Variants in EEPD1 observed in about 807,000 individuals in gnomAD.
The protein encoded by EEPD1 is endonuclease/exonuclease/phosphatase family domain containing 1, also known as endonuclease/exonuclease/phosphatase family domain-containing protein 1.
In EEPD1, 17 loss-of-function variants were observed where a neutral mutation model predicts 46.3. The ratio of observed to expected loss-of-function variants is 0.37; its 90% CI spans 0.25 to 0.55. The LOEUF is 0.55. Among genes scored for constraint, EEPD1 ranks in the 20% least tolerant of loss-of-function variants. The pLI is 0.83. For synonymous variants in EEPD1, 313 were observed against 315.6 expected (o/e 0.99, Z 0.09); for missense variants, 673 against 745.6 (o/e 0.90, Z 1.13).
chr7:36,268,477 G>A (rs768577717), intron 3 of EEPD1, among the ~76,000 whole-genome samples: 42 of 152,198 alleles, frequency 2.8e-4, no homozygotes, highest in African/African-American at 7.9e-4. Flanking sequence ...AATTTTTGTC[G>A]AATGATCAGA....
At chr7:36,156,208 G>A (rs1784822848) in intron 2 of EEPD1, among the ~76,000 whole-genome samples, 1 of 152,154 alleles carries the variant, frequency 6.6e-6, no homozygotes, top group Non-Finnish European at 1.5e-5. Context: ...GTGACACGAA[G>A]TGAACTCTCA....
chr7:36,214,904 A>G (rs943637199), intron 2 of EEPD1, among the ~76,000 whole-genome samples: 2 of 152,182 alleles, frequency 1.3e-5, no homozygotes, highest in Non-Finnish European at 2.9e-5. Flanking sequence ...GGCCCCTGTC[A>G]TGCAGCCACT....
At chr7:36,258,942 GTT>G (rs1160379974) in intron 3 of EEPD1, among the ~76,000 whole-genome samples, 1 of 151,502 alleles carries the variant, frequency 6.6e-6, no homozygotes, top group African/African-American at 2.4e-5. Flanking sequence ...CGGCCACCCA[GTT>G]TTGTGCTTGA....
chr7:36,154,378 G>C lies in EEPD1; in HGVS notation c.54G>C (p.Leu18=). ...CCATCCCCAGGGACCCCTCGGACCT[G>C]TCCCATAGCCGCAAGTTCAGCGCAG... ...HRSIPRDPSD[L]SHSRKFSAAC... Residue 18 remains leucine, a synonymous_variant, in exon 2 of 8, where the codon CTG becomes CTC. Coordinates refer to ENST00000242108, the MANE Select transcript of EEPD1 (RefSeq NM_030636.3). This position sits in a 1 kb window ranked among gnomAD's most constrained non-coding sequence, Gnocchi z 4.2. 6.2e-7 allele frequency: 1 copy of C among 1,613,778 alleles called. No individual in the cohort carries two copies. Among genetic ancestry groups the C allele is most frequent in the Non-Finnish European group, 8.5e-7 (1 of 1,180,030 alleles).
intron 2 of EEPD1, among the ~76,000 whole-genome samples, chr7:36,187,409 C>T (rs1185373323): frequency 1.3e-5 from 2 of 152,150 alleles, no homozygotes; most frequent in African/African-American, 2.4e-5. Context: ...TCCCATTCCC[C>T]ATCTTCCAGC....
At chr7:36,215,891 C>A (rs1266780963) in intron 2 of EEPD1, among the ~76,000 whole-genome samples, 1 of 152,224 alleles carries the variant, frequency 6.6e-6, no homozygotes, top group Non-Finnish European at 1.5e-5. Flanking sequence ...TTGTACACTT[C>A]TGTGGGTAAG....
chr7:36,294,617 TA>T (rs1165418829), intron 6 of EEPD1, among the ~76,000 whole-genome samples: 3 of 152,074 alleles, frequency 2.0e-5, no homozygotes, highest in Non-Finnish European at 4.4e-5. Flanking sequence ...GTACTACATT[TA>T]AAAAAAATTT....
At chr7:36,220,865 T>C (rs912071376) in intron 2 of EEPD1, among the ~76,000 whole-genome samples, 4 of 152,226 alleles carry the variant, frequency 2.6e-5, no homozygotes, top group African/African-American at 9.6e-5. Flanking sequence ...AGTGGTGCAA[T>C]CTCGGCTCAC....
intron 2 of EEPD1, among the ~76,000 whole-genome samples, chr7:36,171,671 G>A (rs1395674587): frequency 6.6e-6 from 1 of 152,184 alleles, no homozygotes; most frequent in African/African-American, 2.4e-5. Context: ...TTTATCTTTG[G>A]TGTTAATTGT....
chr7:36,169,926 A>G (rs1785046941), intron 2 of EEPD1, among the ~76,000 whole-genome samples: 2 of 152,222 alleles, frequency 1.3e-5, no homozygotes, highest in South Asian at 4.1e-4. Flanking sequence ...CCAAAATATA[A>G]TGGATAGTAT....
At chr7:36,202,934 A>C (rs1785739845) in intron 2 of EEPD1, among the ~76,000 whole-genome samples, 1 of 152,206 alleles carries the variant, frequency 6.6e-6, no homozygotes, top group Non-Finnish European at 1.5e-5. Flanking sequence ...AGGACAGTCA[A>C]ACCAACGGCT....
chr7:36,202,420 C>G (rs1458404480), intron 2 of EEPD1, among the ~76,000 whole-genome samples: 1 of 152,026 alleles, frequency 6.6e-6, no homozygotes, highest in East Asian at 1.9e-4. Context: ...GTTCGCTAGC[C>G]GGGGTGAAGC....
chr7:36,273,823 C>T (rs1293735519), intron 3 of EEPD1, among the ~76,000 whole-genome samples: 1 of 152,192 alleles, frequency 6.6e-6, no homozygotes, highest in Middle Eastern at 3.2e-3. Flanking sequence ...TCCTTCCACC[C>T]ATAAATGTGG....
chr7:36,284,962 C>A, intron 5 of EEPD1, 142 bp downstream of exon 5: 1 of 1,212,718 alleles, frequency 8.2e-7, no homozygotes. Context: ...AGATTTTTGT[C>A]TCTCCTGGGG....
intron 2 of EEPD1, among the ~76,000 whole-genome samples, chr7:36,207,595 CG>C (rs1166330640): frequency 6.6e-6 from 1 of 152,102 alleles, no homozygotes; most frequent in African/African-American, 2.4e-5. Context: ...GTCTTTAGGA[CG>C]GGGATAAGCG....
chr7:36,267,964 G>T (rs1562707409), intron 3 of EEPD1, among the ~76,000 whole-genome samples: 2 of 152,194 alleles, frequency 1.3e-5, no homozygotes, highest in African/African-American at 4.8e-5. Flanking sequence ...TCTGCAGACT[G>T]GGAAGTGAGC....
At chr7:36,262,564 G>A (rs541717625) in intron 3 of EEPD1, among the ~76,000 whole-genome samples, 1 of 152,194 alleles carries the variant, frequency 6.6e-6, no homozygotes, top group Non-Finnish European at 1.5e-5. Context: ...TCAGGGGGTT[G>A]TGTCTCGTCT....
rs1253242073 is a variant in EEPD1, at chr7:36,299,233, G to A, written c.*27G>A. The A allele has an allele frequency of 1.2e-6, 2 of 1,606,076 alleles. No homozygotes were observed. Among genetic ancestry groups the A allele is most frequent in the Non-Finnish European group, 1.7e-6 (2 of 1,175,936 alleles). ...GACACCAAATCCATGTGTCCACCCT[G>A]GGACCCAGGAGGGCACAGCCAAGGA... is the stretch of plus-strand genomic sequence containing the variant. On this transcript the variant is annotated 3_prime_UTR_variant, in exon 8 of 8. Transcript: ENST00000242108.
At chr7:36,207,544 C>G (rs1364169203) in intron 2 of EEPD1, among the ~76,000 whole-genome samples, 2 of 152,174 alleles carry the variant, frequency 1.3e-5, no homozygotes, top group Non-Finnish European at 2.9e-5. Context: ...GGTCAGTCCT[C>G]AAGCAACAAT....
Sources: allele counts gnomAD v4.1 joint callset (sites outside exome capture counted in the v4.1 genomes callset), GRCh38; gene constraint gnomAD v4.1.1; non-coding constraint Gnocchi (gnomAD v3.1); transcripts MANE v1.5; gene names NCBI Gene and HGNC (gene_info 2026-07-23, HGNC 2026-07-21).